The following PDE4D variants were observed in gnomAD, a reference collection of about 807,000 sequenced individuals.
PDE4D encodes 3',5'-cyclic-AMP phosphodiesterase 4D.
Under a neutral mutation model 87.4 loss-of-function variants are expected in PDE4D, and 24 were observed. The observed-to-expected ratio is 0.27, with a 90% CI of 0.20 to 0.39. The LOEUF (loss-of-function observed/expected upper bound fraction) is 0.39, where lower values mean the gene tolerates loss of function less well. PDE4D is among the 10% of genes least tolerant of loss of function. The pLI is 1.00. For missense variants in PDE4D, 714 were observed against 1,041.0 expected (o/e 0.69, Z 4.32); for synonymous variants, 384 against 383.2 (o/e 1.00, Z -0.02).
At chr5:59,586,152 C>A (rs1825083051) in intron 1 of PDE4D, among the ~76,000 whole-genome samples, 1 of 152,164 alleles carries the variant, frequency 6.6e-6, no homozygotes, top group Non-Finnish European at 1.5e-5. Flanking sequence ...TTCATATTAA[C>A]AAAGTATTTT....
At chr5:59,256,421 A>C (rs1187423300) in intron 1 of PDE4D, among the ~76,000 whole-genome samples, 1 of 152,098 alleles carries the variant, frequency 6.6e-6, no homozygotes, top group African/African-American at 2.4e-5. Flanking sequence ...TGCAGATTTA[A>C]AATGACCTTT....
At chr5:60,027,409 C>CT (rs1203068837) in intron 2 of PDE4D, among the ~76,000 whole-genome samples, 2 of 152,100 alleles carry the variant, frequency 1.3e-5, no homozygotes, top group African/African-American at 4.8e-5. Flanking sequence ...TGACTTTGTT[C>CT]TTTTTTATGA....
chr5:60,116,533 A>G (rs1778185753), intron 2 of PDE4D, among the ~76,000 whole-genome samples: 1 of 152,082 alleles, frequency 6.6e-6, no homozygotes, highest in African/African-American at 2.4e-5. Context: ...GAGAAAATGT[A>G]CATTCTTAAT....
chr5:59,275,781 G>A (rs1764683834), intron 1 of PDE4D: 2 of 993,418 alleles, frequency 2.0e-6, no homozygotes, highest in Non-Finnish European at 2.4e-6. Context: ...CAGCTTTAAA[G>A]GTTTCTGACA....
intron 1 of PDE4D, among the ~76,000 whole-genome samples, chr5:59,813,146 CT>C (rs1191410225): frequency 6.6e-6 from 1 of 152,174 alleles, no homozygotes; most frequent in Non-Finnish European, 1.5e-5. Flanking sequence ...TGCTTACTTG[CT>C]GTTCTGGTTA....
chr5:60,293,630 C>A lies in PDE4D; in HGVS notation c.-89-107943G>T, dbSNP rs114624032. Reference sequence around the variant, plus strand: ...GTCAGTCTTCCCTTTCAGAGGCTAACCTTTTTCCCTTTTTCTAACCTAAGT... The same window carrying A: ...GTCAGTCTTCCCTTTCAGAGGCTAAACTTTTTCCCTTTTTCTAACCTAAGT... On this transcript the variant is annotated intron_variant, in intron 1 of 16. Coordinates refer to the PDE4D transcript ENST00000502484. Among the ~76,000 whole-genome samples the A allele has an allele frequency of 6.8e-3, 1,032 of 152,306 alleles. 10 individuals are homozygous for A. Among genetic ancestry groups the A allele is most frequent in the African/African-American group, 0.021 (871 of 41,582 alleles).
At chr5:59,316,761 A>G (rs1773828466) in intron 1 of PDE4D, among the ~76,000 whole-genome samples, 1 of 152,206 alleles carries the variant, frequency 6.6e-6, no homozygotes, top group South Asian at 2.1e-4. Context: ...TGTAGTTGAC[A>G]ATGGCTGTGA....
At chr5:59,249,563 CAAATACATAAGTTACA>C (rs1759515096) in intron 1 of PDE4D, among the ~76,000 whole-genome samples, 1 of 151,964 alleles carries the variant, frequency 6.6e-6, no homozygotes, top group Non-Finnish European at 1.5e-5. Flanking sequence ...CAATAATTGG[CAAATACATAAGTTACA>C]AAATCTTTTT....
chr5:59,199,566 T>C (rs1746259911), intron 2 of PDE4D, among the ~76,000 whole-genome samples: 1 of 152,170 alleles, frequency 6.6e-6, no homozygotes, highest in Non-Finnish European at 1.5e-5. Context: ...TTTTGAAATC[T>C]TAGTATCTTT....
At chr5:59,781,997 C>G (rs900657450) in intron 1 of PDE4D, among the ~76,000 whole-genome samples, 1 of 152,010 alleles carries the variant, frequency 6.6e-6, no homozygotes, top group Non-Finnish European at 1.5e-5. Flanking sequence ...ACAGAAATAA[C>G]AGAATGTAGT....
intron 1 of PDE4D, among the ~76,000 whole-genome samples, chr5:60,227,689 ACCT>A (rs1375797393): frequency 1.3e-5 from 2 of 151,664 alleles, no homozygotes; most frequent in Non-Finnish European, 2.9e-5. Flanking sequence ...TTTTGTAAAA[ACCT>A]CCTAATTAGT....
At chr5:60,145,946 G>A (rs1424766382) in intron 2 of PDE4D, among the ~76,000 whole-genome samples, 2 of 152,146 alleles carry the variant, frequency 1.3e-5, no homozygotes, top group Non-Finnish European at 2.9e-5. Flanking sequence ...GGGTGTGGTG[G>A]CGCACGCCTG....
intron 2 of PDE4D, among the ~76,000 whole-genome samples, chr5:59,202,447 C>CA (rs1747713836): frequency 6.6e-6 from 1 of 152,192 alleles, no homozygotes; most frequent in African/African-American, 2.4e-5. Flanking sequence ...ACTGCAGCCT[C>CA]AAGCTCCTGG....
chr5:59,059,945 A>C (rs778859576), intron 5 of PDE4D, among the ~76,000 whole-genome samples: 4 of 152,176 alleles, frequency 2.6e-5, no homozygotes, highest in Non-Finnish European at 5.9e-5. Context: ...TCATGTAAGC[A>C]TGTGACTGCC....
At chr5:59,149,389 A>G (rs1042142328) in intron 5 of PDE4D, among the ~76,000 whole-genome samples, 2 of 152,130 alleles carry the variant, frequency 1.3e-5, no homozygotes, top group African/African-American at 2.4e-5. Flanking sequence ...ACATTTCTCC[A>G]AGAGCCATTA....
Position 60,471,531 on chromosome 5 carries a change from C to T in PDE4D, c.-90+16411G>A, listed in dbSNP as rs199941771. Among the ~76,000 whole-genome samples, 24 of 152,206 alleles carry T rather than the reference C, an allele frequency of 1.6e-4. No individual in the cohort carries two copies. In the East Asian group the frequency reaches 4.3e-3, roughly 27 times the overall value. On this transcript the variant is annotated intron_variant, in intron 1 of 16. Transcript: ENST00000502484. ...AAAAATATTTCATGAAAGGAAGAGTCGATTGATGTAGCAAATTTCATTGTT... is the reference window on the plus strand; with the variant it reads ...AAAAATATTTCATGAAAGGAAGAGTTGATTGATGTAGCAAATTTCATTGTT...
intron 1 of PDE4D, among the ~76,000 whole-genome samples, chr5:59,701,989 G>A (rs1752643909): frequency 6.6e-6 from 1 of 152,098 alleles, no homozygotes; most frequent in South Asian, 2.1e-4. Context: ...CATTTCCAAG[G>A]GCCAAGAAAG....
At chr5:60,393,121 G>C (rs904573931) in intron 1 of PDE4D, among the ~76,000 whole-genome samples, 1 of 152,182 alleles carries the variant, frequency 6.6e-6, no homozygotes, top group Non-Finnish European at 1.5e-5. Context: ...GTCAGTCAAT[G>C]ACACACCACC....
At chr5:60,046,555 T>A (rs1442326503) in intron 2 of PDE4D, among the ~76,000 whole-genome samples, 4 of 152,202 alleles carry the variant, frequency 2.6e-5, no homozygotes, top group African/African-American at 7.2e-5. Context: ...ATACCTAATT[T>A]ATTGAGAGTT....
Sources: allele counts gnomAD v4.1 joint callset (sites outside exome capture counted in the v4.1 genomes callset), GRCh38; gene constraint gnomAD v4.1.1; transcripts MANE v1.5; gene names NCBI Gene and HGNC (gene_info 2026-07-23, HGNC 2026-07-21).